Variants in INSC observed in about 807,000 individuals in gnomAD.
INSC encodes protein inscuteable homolog.
Under a neutral mutation model 58.6 loss-of-function variants are expected in INSC, and 67 were observed. The observed-to-expected ratio is 1.14, with a 90% CI of 0.94 to 1.40. The LOEUF is 1.40. Among genes scored for constraint, INSC ranks in the 40% most tolerant of loss-of-function variants. The pLI is 0.00. For missense variants in INSC, 714 were observed against 692.0 expected (o/e 1.03, Z -0.36); for synonymous variants, 262 against 276.1 (o/e 0.95, Z 0.51).
chr11:15,218,353 C>A (rs1221718196), intron 7 of INSC, among the ~76,000 whole-genome samples: 2 of 152,070 alleles, frequency 1.3e-5, no homozygotes, highest in African/African-American at 4.8e-5. Flanking sequence ...CTTCAATAAA[C>A]CTCTGAGGAA....
In INSC at chr11:15,178,334, G is replaced by C; in HGVS notation, c.466G>C (p.Val156Leu). 1 of 1,613,946 alleles carries C rather than the reference G, an allele frequency of 6.2e-7. No individual in the cohort carries two copies. Among genetic ancestry groups the C allele is most frequent in the Non-Finnish European group, 8.5e-7 (1 of 1,180,034 alleles). Residue 156 changes from valine (V) to leucine (L), a missense_variant, in exon 5 of 13, where the codon GTT becomes CTT. By Grantham distance (32) the Val-to-Leu change is conservative. Coordinates refer to ENST00000379556, the MANE Select transcript of INSC (RefSeq NM_001042536.3). ...LSAVTERCLQ[V>L]ENEHVLKSMK... ...GTTTCTTCTCTTCAGGTGCCTTCAG[G>C]TTGAGAATGAGCATGTCCTGAAGTC...
chr11:15,175,923 G>A lies in INSC; in HGVS notation c.239G>A (p.Arg80Gln), dbSNP rs756196159. The change falls in exon 3 of 13, where the codon CGG becomes CAG. Residue 80 changes from arginine (R) to glutamine (Q), a missense_variant. By Grantham distance (43) the Arg-to-Gln change is conservative. Coordinates refer to ENST00000379556, the MANE Select transcript of INSC (RefSeq NM_001042536.3). ...GACCCCCTGCAGCTGCTGCTCAAAC[G>A]GGGTTGGGTCATTAGCACAGAGCTG... is the stretch of plus-strand genomic sequence containing the variant. ...PGDPLQLLLK[R>Q]GWVISTELRR... 5.6e-6 allele frequency: 9 copies of A among 1,614,194 alleles called. No homozygotes were observed. In the East Asian group the frequency reaches 6.7e-5, roughly 12 times the overall value.
chr11:15,169,911 T>G (rs1244824229), intron 2 of INSC, among the ~76,000 whole-genome samples: 1 of 152,220 alleles, frequency 6.6e-6, no homozygotes, highest in Non-Finnish European at 1.5e-5. Context: ...TCCATTACTA[T>G]GAACTAAACT....
At chr11:15,234,481 A>T (rs188234717) in intron 9 of INSC, among the ~76,000 whole-genome samples, 1 of 152,356 alleles carries the variant, frequency 6.6e-6, no homozygotes, top group East Asian at 1.9e-4. Context: ...ACATAACATT[A>T]CTATCCAGTT....
rs183724801 is a variant in INSC at position 15,180,388 on chromosome 11, G to T, written c.579+1941G>T. On this transcript the variant is annotated intron_variant, in intron 5 of 12. Coordinates refer to ENST00000379556, the MANE Select transcript of INSC (RefSeq NM_001042536.3). ...GTGCTTTCTATGAGGCAGCAAAGAG[G>T]CAGGGTATCTTTGATGCTTTAGGTC... 2.6e-5 allele frequency among the ~76,000 whole-genome samples: 4 copies of T among 152,304 alleles called. No homozygotes were observed. In the East Asian group the frequency reaches 7.7e-4, roughly 29 times the overall value.
upstream of INSC, among the ~76,000 whole-genome samples, chr11:15,114,252 T>C (rs906000327): frequency 6.0e-5 from 1 of 16,584 alleles, no homozygotes; most frequent in Non-Finnish European, 1.2e-4. Context: ...AGGACGGGGG[T>C]GGGGGGTGGG....
chr11:15,175,760 G>A lies in INSC; in HGVS notation c.76G>A (p.Asp26Asn). Residue 26 changes from aspartate to asparagine, a missense_variant, in exon 3 of 13, where the codon GAC (aspartate) becomes AAC (asparagine). Asp to Asn is a conservative substitution (Grantham distance 23). Transcript: ENST00000379556. ...PGQRLHLMQVDSVQRWMEDLK... is the reference protein window; with the variant it reads ...PGQRLHLMQVNSVQRWMEDLK... ...TTGCAGGCTACACCTGATGCAGGTG[G>A]ACTCAGTCCAGCGCTGGATGGAAGA... 6.4e-7 allele frequency: 1 copy of A among 1,568,350 alleles called. No homozygotes were observed. Among genetic ancestry groups the A allele is most frequent in the South Asian group, 1.2e-5 (1 of 85,458 alleles).
At chr11:15,178,208 G>C in intron 4 of INSC, 116 bp from the exon 5 acceptor site, 1 of 1,364,012 alleles carries the variant, frequency 7.3e-7, no homozygotes, top group Non-Finnish European at 1.0e-6. Flanking sequence ...ACTCCCAGTT[G>C]CCAATGTCTT....
chr11:15,267,048 A>G, the INSC span, among the ~76,000 whole-genome samples: 6 of 152,010 alleles, frequency 3.9e-5, no homozygotes, highest in African/African-American at 1.4e-4. Context: ...TTCTTGTAGC[A>G]TATACATCTA....
Position 15,210,276 on chromosome 11 carries a change from A to AGTT in INSC, c.819+9328_819+9330dup, listed in dbSNP as rs143319604. Reference sequence around the variant, plus strand: ...AATTTTCTCATTTGATGGGATTCCTAGTTCTGCTGGTATCCTGTGGCATAT... The same window carrying AGTT: ...AATTTTCTCATTTGATGGGATTCCTAGTTGTTCTGCTGGTATCCTGTGGCATAT... On this transcript the variant is annotated intron_variant, in intron 7 of 12. Coordinates refer to ENST00000379556, the MANE Select transcript of INSC (RefSeq NM_001042536.3). Among the ~76,000 whole-genome samples, 1,097 of 152,158 alleles carry AGTT rather than the reference A, an allele frequency of 7.2e-3. 17 individuals carry two copies. The highest frequency in any genetic ancestry group is 0.026 in the African/African-American group (1,074 of 41,436).
chr11:15,193,579 G>C (rs1252541349), intron 6 of INSC, among the ~76,000 whole-genome samples: 1 of 152,186 alleles, frequency 6.6e-6, no homozygotes, highest in Non-Finnish European at 1.5e-5. Flanking sequence ...TGCTGAGAAT[G>C]ATGGTTTCCA....
At chr11:15,219,900 G>A (rs1002474326) in intron 7 of INSC, among the ~76,000 whole-genome samples, 5 of 152,170 alleles carry the variant, frequency 3.3e-5, no homozygotes, top group Admixed American at 1.3e-4. Flanking sequence ...AGGCCCAAAC[G>A]AGGCCTCTCT....
intron 7 of INSC, among the ~76,000 whole-genome samples, chr11:15,218,935 T>G (rs1357629401): frequency 1.3e-5 from 2 of 152,190 alleles, no homozygotes; most frequent in African/African-American, 2.4e-5. Context: ...TTTATTGTAC[T>G]TATTTCCCAC....
chr11:15,232,637 T>C (rs1483744771), intron 9 of INSC, among the ~76,000 whole-genome samples: 2 of 152,140 alleles, frequency 1.3e-5, no homozygotes, highest in African/African-American at 4.8e-5. Context: ...TAAGTTACTT[T>C]ATATAGCGAC....
At chr11:15,220,278 G>C (rs139895813) in intron 7 of INSC, among the ~76,000 whole-genome samples, 2 of 152,120 alleles carry the variant, frequency 1.3e-5, no homozygotes, top group African/African-American at 2.4e-5. Context: ...CACCTCTCCT[G>C]TTCTTCCCCT....
chr11:15,165,226 C>T (rs187764475), intron 2 of INSC, among the ~76,000 whole-genome samples: 44 of 152,130 alleles, frequency 2.9e-4, no homozygotes, highest in East Asian at 1.7e-3. Flanking sequence ...GAAAAATATG[C>T]GCCACCACTG....
At chr11:15,238,420 A>G (rs1031309587) in intron 10 of INSC, among the ~76,000 whole-genome samples, 1 of 152,156 alleles carries the variant, frequency 6.6e-6, no homozygotes, top group Non-Finnish European at 1.5e-5. Flanking sequence ...TCAGAAGTGA[A>G]GAGGTGATGT....
the INSC span, among the ~76,000 whole-genome samples, chr11:15,262,788 T>G: frequency 4.1e-4 from 63 of 151,928 alleles, no homozygotes; most frequent in Non-Finnish European, 7.7e-4. Context: ...CTCAAAGCAT[T>G]TCCACAGACA....
intron 2 of INSC, among the ~76,000 whole-genome samples, chr11:15,157,734 C>T (rs750911258): frequency 2.6e-5 from 4 of 152,244 alleles, no homozygotes; most frequent in African/African-American, 4.8e-5. Context: ...TTGAGAAGGG[C>T]ACTTATTATG....
Sources: allele counts gnomAD v4.1 joint callset (sites outside exome capture counted in the v4.1 genomes callset), GRCh38; gene constraint gnomAD v4.1.1; transcripts MANE v1.5; gene names NCBI Gene and HGNC (gene_info 2026-07-23, HGNC 2026-07-21).